The following FBN2 variants were observed in gnomAD, a reference collection of about 807,000 sequenced individuals.
FBN2 encodes fibrillin-2.
Under a neutral mutation model 355.6 loss-of-function variants are expected in FBN2, and 105 were observed. The ratio of observed to expected loss-of-function variants is 0.30; its 90% CI spans 0.25 to 0.35. The LOEUF is 0.35. Ranked by LOEUF, FBN2 falls within the 10% of genes least tolerant of loss-of-function variation. The pLI is 1.00. For synonymous variants in FBN2, 1,350 were observed against 1,301.2 expected, an observed-to-expected ratio of 1.04 and a Z score of -0.81; for missense variants, 3,280 against 3,758.7, an observed-to-expected ratio of 0.87 and a Z score of 3.33.
chr5:128,421,936 G>C (rs965474849), intron 7 of FBN2, among the ~76,000 whole-genome samples: 6 of 152,142 alleles, frequency 3.9e-5, no homozygotes, highest in African/African-American at 1.4e-4. Context: ...CTGGTCCTCT[G>C]TCCAATGTAA....
At chr5:128,536,191 C>A (rs1402687033) in intron 2 of FBN2, among the ~76,000 whole-genome samples, 3 of 152,178 alleles carry the variant, frequency 2.0e-5, no homozygotes. Context: ...ATCATTATTG[C>A]CCTTCAACAG....
chr5:128,350,809 T>C, intron 21 of FBN2, 59 bp downstream of exon 21: 1 of 1,595,902 alleles, frequency 6.3e-7, no homozygotes, highest in Non-Finnish European at 8.6e-7. Flanking sequence ...GAAAGAGGTG[T>C]CCTAGTGGCA....
rs975687626 is a variant in FBN2, at chr5:128,530,910, G to A, written c.338-217C>T. ...TGAAAACGTGTAAACAAATGAAGCT[G>A]TTTCAAATTGCATAATCCTTTAAGG... On this transcript the variant is annotated intron_variant, in intron 2 of 64. Coordinates refer to ENST00000262464, the MANE Select transcript of FBN2 (RefSeq NM_001999.4). Among the ~76,000 whole-genome samples the A allele has an allele frequency of 7.2e-5, 11 of 152,250 alleles. 1 individual carries two copies. The highest frequency in any genetic ancestry group is 6.5e-4 in the Admixed American group (10 of 15,294).
chr5:128,369,251 C>T lies in FBN2; in HGVS notation c.2179G>A (p.Glu727Lys), dbSNP rs1453427225. 7 of 1,614,130 alleles carry T rather than the reference C, an allele frequency of 4.3e-6. No individual in the cohort carries two copies. The highest frequency in any genetic ancestry group is 4.0e-5 in the African/African-American group (3 of 75,040). The change falls in exon 16 of 65, where the codon GAA becomes AAA. Residue 727 changes from glutamate (E) to lysine (K), a missense_variant. Glu to Lys is a moderately conservative substitution (Grantham distance 56). Transcript: ENST00000262464. ...TAGTCTGGATTGGCACAGCAGCATTCGGACTTGGTCACTGCACCGGGGAAA... is the reference window on the plus strand; with the variant it reads ...TAGTCTGGATTGGCACAGCAGCATTTGGACTTGGTCACTGCACCGGGGAAA... The part of the protein sequence containing the change: ...RPFPGAVTKS[E>K]CCCANPDYGF...
At chr5:128,297,234 T>TG (rs755697888) in intron 48 of FBN2, among the ~76,000 whole-genome samples, 1 of 152,166 alleles carries the variant, frequency 6.6e-6, no homozygotes, top group Non-Finnish European at 1.5e-5. Flanking sequence ...CTTTTACATT[T>TG]CTGAGGAGAG....
At chr5:128,314,757 A>G (rs1275387272) in intron 36 of FBN2, among the ~76,000 whole-genome samples, 1 of 151,958 alleles carries the variant, frequency 6.6e-6, no homozygotes, top group East Asian at 1.9e-4. Context: ...TACTTTTTAC[A>G]TGTGCTCTTG....
In FBN2 at chr5:128,305,863, A is replaced by G; in HGVS notation, c.5508T>C (p.Pro1836=). 1 of 1,613,994 alleles carries G rather than the reference A, an allele frequency of 6.2e-7. No homozygotes were observed. Among genetic ancestry groups the G allele is most frequent in the Non-Finnish European group, 8.5e-7 (1 of 1,179,886 alleles). ...NQIGSFRCEC[P]TGFSYNDLLL... Reference sequence around the variant, plus strand: ...GCAGGTCATTGTAACTGAATCCTGTAGGGCATTCACAGCGGAAACTGCCAA... The same window carrying G: ...GCAGGTCATTGTAACTGAATCCTGTGGGGCATTCACAGCGGAAACTGCCAA... Residue 1836 remains proline (P), a synonymous_variant, in exon 43 of 65, where the codon CCT becomes CCC. Transcript: ENST00000262464.
intron 48 of FBN2, among the ~76,000 whole-genome samples, chr5:128,299,147 G>A (rs928404174): frequency 5.3e-5 from 8 of 151,988 alleles, no homozygotes; most frequent in African/African-American, 1.9e-4. Context: ...GGCTGCTCGG[G>A]GGTCAGGGGT....
intron 6 of FBN2, 151 bp from the exon 7 acceptor site, chr5:128,446,757 G>A: frequency 1.5e-6 from 1 of 651,286 alleles, no homozygotes; most frequent in Non-Finnish European, 2.6e-6. Context: ...ACCTTTGTAT[G>A]CATATGTTTT....
intron 6 of FBN2, among the ~76,000 whole-genome samples, chr5:128,459,067 A>G (rs1754485858): frequency 6.6e-6 from 1 of 152,276 alleles, no homozygotes; most frequent in African/African-American, 2.4e-5. Flanking sequence ...TAGACTAATA[A>G]AGAAGAATGA....
At chr5:128,467,733 CCT>C (rs2127088487) in intron 5 of FBN2, among the ~76,000 whole-genome samples, 1 of 152,160 alleles carries the variant, frequency 6.6e-6, no homozygotes, top group South Asian at 2.1e-4. Context: ...GAACTAATGA[CCT>C]ATAAACAGTT....
At chr5:128,333,920 A>T (rs1750763311) in intron 31 of FBN2, among the ~76,000 whole-genome samples, 1 of 151,668 alleles carries the variant, frequency 6.6e-6, no homozygotes, top group African/African-American at 2.4e-5. Context: ...CATGCAAAGA[A>T]CACCTTCTTT....
chr5:128,374,751 C>CTG lies in FBN2; in HGVS notation c.1973-3_1973-2dup, dbSNP rs1487450073. On this transcript the variant is annotated splice_acceptor_variant, in intron 14 of 64. Coordinates refer to ENST00000262464, the MANE Select transcript of FBN2 (RefSeq NM_001999.4). LOFTEE classifies it high-confidence loss of function. ...CCTGGGGTCTGGCATTCATCAACAT[C>CTG]TGTGCAGTGGGTGACAGAAGCCAAG... 1 of 1,613,822 alleles carries CTG rather than the reference C, an allele frequency of 6.2e-7. No homozygotes were observed. The highest frequency in any genetic ancestry group is 1.7e-5 in the Admixed American group (1 of 59,966).
At chr5:128,361,020 T>C (rs1248312521) in intron 19 of FBN2, among the ~76,000 whole-genome samples, 1 of 152,190 alleles carries the variant, frequency 6.6e-6, no homozygotes, top group Non-Finnish European at 1.5e-5. Context: ...TACAGTACTT[T>C]GATCAAGATA....
Position 128,537,892 on chromosome 5 carries a change from C to T in FBN2, c.-289G>A. On this transcript the variant is annotated 5_prime_UTR_variant, in exon 1 of 65. Transcript: ENST00000262464. ...ACACGTTGCATAACCGGCCTAAAGC[C>T]CCGAGCGACTCCAGGACCGTCAGCG... The T allele has an allele frequency of 1.9e-6, 1 of 533,288 alleles. No homozygotes were observed. Among genetic ancestry groups the T allele is most frequent in the Non-Finnish European group, 3.3e-6 (1 of 301,920 alleles). 33.0% of individuals were successfully genotyped at this position (533,288 alleles called of 1,614,324 possible). A position where few individuals can be genotyped will look rare whatever the true frequency, so the allele number is the denominator to read the frequency against.
At chr5:128,413,353 G>A (rs79856809) in intron 7 of FBN2, among the ~76,000 whole-genome samples, 1,767 of 152,218 alleles carry the variant, frequency 0.012, 15 homozygotes, top group Middle Eastern at 0.024. Flanking sequence ...TGGGAAGGAA[G>A]GATCATGGAG....
intron 5 of FBN2, among the ~76,000 whole-genome samples, chr5:128,494,410 T>G (rs1650769700): frequency 6.6e-6 from 1 of 152,138 alleles, no homozygotes; most frequent in South Asian, 2.1e-4. Context: ...CCAGTTAGTT[T>G]AGAGAAAGAG....
intron 8 of FBN2, among the ~76,000 whole-genome samples, chr5:128,402,951 T>C (rs1752833761): frequency 6.6e-6 from 1 of 152,278 alleles, no homozygotes; most frequent in Non-Finnish European, 1.5e-5. Context: ...AAATAGTGAA[T>C]GACGGGCTTC....
chr5:128,333,475 TA>T (rs1356133019), intron 31 of FBN2, among the ~76,000 whole-genome samples: 1 of 152,086 alleles, frequency 6.6e-6, no homozygotes, highest in Non-Finnish European at 1.5e-5. Flanking sequence ...TCTAACTTTT[TA>T]AAAAAAGTAA....
Sources: gnomAD v4.1 joint callset for allele counts (sites outside exome capture counted in the v4.1 genomes callset) on GRCh38, gnomAD v4.1.1 for gene constraint, MANE v1.5 for transcripts, NCBI Gene and HGNC (gene_info 2026-07-23, HGNC 2026-07-21) for gene names.